NALF1: variants seen among roughly 807,000 people sequenced by gnomAD.
NALF1 encodes the protein family with sequence similarity 155 member A.
NALF1 carries 3 observed loss-of-function variants against 48.4 expected under a neutral mutation model. The ratio of observed to expected loss-of-function variants is 0.06; its 90% confidence interval spans 0.03 to 0.16. The LOEUF (loss-of-function observed/expected upper bound fraction) is 0.16. Ranked by LOEUF, NALF1 falls within the 10% of genes least tolerant of loss-of-function variation. The probability of loss-of-function intolerance (pLI) is 1.00; values close to 1 mark genes in which losing one functional copy is unlikely to be tolerated. For synonymous variants in NALF1, 262 were observed against 245.7 expected, an observed-to-expected ratio of 1.07 and a Z score of -0.62; for missense variants, 526 against 571.5, an observed-to-expected ratio of 0.92 and a Z score of 0.81.
At chr13:107,771,265 A>T (rs1289986194) in intron 1 of NALF1, among the ~76,000 whole-genome samples, 1 of 102,750 alleles carries the variant, frequency 9.7e-6, no homozygotes. Context: ...TGTGTGTGTC[A>T]GTATATGATA....
chr13:107,347,100 TAA>T (rs2138940956), intron 1 of NALF1, among the ~76,000 whole-genome samples: 1 of 152,358 alleles, frequency 6.6e-6, no homozygotes, highest in Non-Finnish European at 1.5e-5. Flanking sequence ...AGTTATAACA[TAA>T]AAGTGTTCAT....
chr13:107,267,116 G>C (rs1447159332), intron 1 of NALF1, among the ~76,000 whole-genome samples: 1 of 152,154 alleles, frequency 6.6e-6, no homozygotes, highest in African/African-American at 2.4e-5. Flanking sequence ...CTTGGCTCTT[G>C]GCCAAGACTC....
intron 1 of NALF1, among the ~76,000 whole-genome samples, chr13:107,679,222 C>CA (rs1169687272): frequency 5.9e-5 from 9 of 151,700 alleles, no homozygotes; most frequent in African/African-American, 9.7e-5. Context: ...ATCTTCACAT[C>CA]AAAAAAAATT....
chr13:107,341,073 A>G (rs916459681), intron 1 of NALF1, among the ~76,000 whole-genome samples: 2 of 151,204 alleles, frequency 1.3e-5, no homozygotes, highest in Admixed American at 6.6e-5. Context: ...ACACTTGCAT[A>G]TATCTTTCTT....
intron 1 of NALF1, among the ~76,000 whole-genome samples, chr13:107,782,191 T>C (rs975776162): frequency 1.5e-4 from 23 of 152,324 alleles, no homozygotes; most frequent in African/African-American, 4.1e-4. Flanking sequence ...GTGCCTGCGA[T>C]TGCAGGCGCG....
chr13:107,259,243 G>C (rs1047294399), intron 1 of NALF1, among the ~76,000 whole-genome samples: 14 of 152,172 alleles, frequency 9.2e-5, no homozygotes, highest in Non-Finnish European at 1.9e-4. Context: ...TTGCCAAGCA[G>C]AGTGTCTTAC....
chr13:107,856,283 CTG>C (rs1190176041), intron 1 of NALF1, among the ~76,000 whole-genome samples: 2 of 152,166 alleles, frequency 1.3e-5, no homozygotes, highest in Admixed American at 6.5e-5. Context: ...ACATGAATAA[CTG>C]TGTGCAAAGA....
chr13:107,847,604 G>A (rs1384397368), intron 1 of NALF1, among the ~76,000 whole-genome samples: 2 of 152,164 alleles, frequency 1.3e-5, no homozygotes, highest in Non-Finnish European at 2.9e-5. Flanking sequence ...CTTTGGAGAG[G>A]GTCACAGGCA....
intron 1 of NALF1, among the ~76,000 whole-genome samples, chr13:107,768,154 T>C (rs998939972): frequency 6.6e-6 from 1 of 152,170 alleles, no homozygotes; most frequent in Non-Finnish European, 1.5e-5. Context: ...TGATACTTCA[T>C]TGATCCAATG....
rs150793058 is a variant in NALF1 at position 107,202,483 on chromosome 13, T to C, written c.1087+8101A>G. ...TATTCACACAGACATTTTAGAAACT[T>C]TAGCTCTGTTCTTACCCTTTATACT... On this transcript the variant is annotated intron_variant, in intron 2 of 2. Transcript: ENST00000375915. Among the ~76,000 whole-genome samples, 3 of 151,918 alleles carry C rather than the reference T, an allele frequency of 2.0e-5. No individual in the cohort carries two copies. The East Asian group carries it at 5.8e-4, about 29-fold the overall frequency.
At chr13:107,273,203 A>G (rs1881211099) in intron 1 of NALF1, among the ~76,000 whole-genome samples, 2 of 152,228 alleles carry the variant, frequency 1.3e-5, no homozygotes, top group African/African-American at 4.8e-5. Context: ...ATCTGAACAA[A>G]CAAACAGACC....
chr13:107,394,785 A>T, intron 1 of NALF1, among the ~76,000 whole-genome samples: 1 of 152,164 alleles, frequency 6.6e-6, no homozygotes, highest in East Asian at 1.9e-4. Flanking sequence ...AAATATATGG[A>T]TCATGTTGAG....
intron 1 of NALF1, among the ~76,000 whole-genome samples, chr13:107,308,176 C>T (rs1881974085): frequency 7.8e-6 from 1 of 128,142 alleles, no homozygotes; most frequent in Non-Finnish European, 1.7e-5. Flanking sequence ...TTCTGTATTA[C>T]TTTTTTGTAT....
chr13:107,864,878 T>C (rs892038775), intron 1 of NALF1, among the ~76,000 whole-genome samples: 4 of 152,216 alleles, frequency 2.6e-5, no homozygotes, highest in Non-Finnish European at 5.9e-5. Flanking sequence ...AGCTTAAATA[T>C]AATACAGACT....
rs774740517 is a variant in NALF1 at position 107,166,558 on chromosome 13, G to A, written c.*3939C>T. ...AAATTGTAAATGTCTTTGTTACTGA[G>A]AAAGAATGTAAATCATGCTTCAGAC... On this transcript the variant is annotated 3_prime_UTR_variant, in exon 3 of 3. Coordinates refer to ENST00000375915, the MANE Select transcript of NALF1 (RefSeq NM_001080396.3). 2 of 152,186 alleles carry A rather than the reference G, an allele frequency of 1.3e-5. No individual in the cohort carries two copies. The highest frequency in any genetic ancestry group is 2.9e-5 in the Non-Finnish European group (2 of 68,038). The allele number at this position is 152,186 out of a possible 1,614,324, so 9.4% of individuals were successfully genotyped here.
chr13:107,469,733 C>CTTTTTTTTTTTTTTTTTTTTTTTT (rs61241553), intron 1 of NALF1, among the ~76,000 whole-genome samples: 2 of 79,956 alleles, frequency 2.5e-5, no homozygotes, highest in African/African-American at 1.1e-4. Flanking sequence ...AACTGTGTAT[C>CTTTTTTTTTTTTTTTTTTTTTTTT]TTTTTTTTTT....
intron 1 of NALF1, among the ~76,000 whole-genome samples, chr13:107,796,671 C>T (rs1878433866): frequency 6.6e-6 from 1 of 151,970 alleles, no homozygotes; most frequent in Admixed American, 6.6e-5. Flanking sequence ...TTAGGGTGGT[C>T]CTTCCTCCTT....
At chr13:107,672,170 C>T (rs1252774400) in intron 1 of NALF1, among the ~76,000 whole-genome samples, 1 of 152,178 alleles carries the variant, frequency 6.6e-6, no homozygotes, top group Non-Finnish European at 1.5e-5. Context: ...AGCTATGAAG[C>T]ATCTTTAAGC....
intron 1 of NALF1, among the ~76,000 whole-genome samples, chr13:107,336,638 G>A (rs974790421): frequency 2.6e-5 from 4 of 151,998 alleles, no homozygotes; most frequent in Admixed American, 6.6e-5. Context: ...CACTTCCTCC[G>A]TGGTATTAAT....
Sources: allele counts gnomAD v4.1 joint callset (sites outside exome capture counted in the v4.1 genomes callset), GRCh38; gene constraint gnomAD v4.1.1; transcripts MANE v1.5; gene names NCBI Gene and HGNC (gene_info 2026-07-23, HGNC 2026-07-21).